Variants in ADAMTSL1 observed in about 807,000 individuals in gnomAD.
ADAMTSL1 encodes the protein ADAMTS-like protein 1.
ADAMTSL1 carries 126 observed loss-of-function variants against 201.8 expected under a neutral mutation model. The observed-to-expected ratio is 0.62, with a 90% CI of 0.54 to 0.72. The LOEUF is 0.72. Ranked by LOEUF, ADAMTSL1 falls within the 30% of genes least tolerant of loss-of-function variation. The pLI is 0.00. For missense variants in ADAMTSL1, 2,679 were observed against 2,277.8 expected (o/e 1.18, Z -3.59); for synonymous variants, 1,121 against 903.4 (o/e 1.24, Z -4.32).
chr9:18,340,799 G>A (rs1835437432), intron 2 of ADAMTSL1, among the ~76,000 whole-genome samples: 2 of 152,104 alleles, frequency 1.3e-5, no homozygotes, highest in African/African-American at 2.4e-5. Flanking sequence ...CACCATGATT[G>A]TGAGTCCTCC....
chr9:17,978,171 T>C (rs564969953), intron 1 of ADAMTSL1, among the ~76,000 whole-genome samples: 21 of 152,234 alleles, frequency 1.4e-4, no homozygotes, highest in Non-Finnish European at 2.4e-4. Context: ...CATTTCTTTA[T>C]GTTTATCCAT....
intron 1 of ADAMTSL1, among the ~76,000 whole-genome samples, chr9:17,926,165 T>G (rs1826518255): frequency 6.6e-6 from 1 of 152,150 alleles, no homozygotes; most frequent in Non-Finnish European, 1.5e-5. Context: ...TGCTTGTACG[T>G]TTTATGAAGA....
intron 18 of ADAMTSL1, among the ~76,000 whole-genome samples, chr9:18,776,180 T>C (rs775209962): frequency 6.6e-6 from 1 of 152,148 alleles, no homozygotes; most frequent in Non-Finnish European, 1.5e-5. Context: ...AGGCAGTGTA[T>C]TACTAATGAT....
chr9:18,797,089 T>G (rs1822468554), intron 20 of ADAMTSL1, among the ~76,000 whole-genome samples: 1 of 152,166 alleles, frequency 6.6e-6, no homozygotes, highest in Non-Finnish European at 1.5e-5. Flanking sequence ...TATTGGAGGC[T>G]GCCAACAAGT....
chr9:18,007,581 G>T (rs1044080837), intron 1 of ADAMTSL1, among the ~76,000 whole-genome samples: 1 of 151,984 alleles, frequency 6.6e-6, no homozygotes, highest in Admixed American at 6.6e-5. Flanking sequence ...AAGCGAGGCA[G>T]GTGGATTAGA....
chr9:18,721,689 G>T (rs1460492051), intron 15 of ADAMTSL1, 24 bp downstream of exon 15: 2 of 1,612,340 alleles, frequency 1.2e-6, no homozygotes, highest in Non-Finnish European at 1.7e-6. Flanking sequence ...GGCCTGCCCT[G>T]CTGTCCAGGG....
At chr9:18,300,460 A>AG (rs1204731992) in intron 2 of ADAMTSL1, among the ~76,000 whole-genome samples, 9 of 69,648 alleles carry the variant, frequency 1.3e-4, no homozygotes, top group African/African-American at 2.2e-4. Context: ...GGGGCCTGTC[A>AG]GGGGGAGGGG....
chr9:18,166,388 T>C (rs1587203890), intron 2 of ADAMTSL1, among the ~76,000 whole-genome samples: 1 of 151,960 alleles, frequency 6.6e-6, no homozygotes, highest in East Asian at 1.9e-4. Context: ...GAGAATTCCA[T>C]CACGGAATAT....
rs187503887 is a variant in ADAMTSL1 at position 18,308,895 on chromosome 9, C to G, written c.207+144914C>G. On this transcript the variant is annotated intron_variant, in intron 2 of 29. Coordinates refer to the ADAMTSL1 transcript ENST00000680146. ...GAGACATAGCAAAAAAAGAAAATAT[C>G]AGGCCAATATCCTTGATGAACATTG... is the stretch of plus-strand genomic sequence containing the variant. Among the ~76,000 whole-genome samples the G allele has an allele frequency of 3.3e-5, 5 of 152,212 alleles. No homozygotes were observed. In the East Asian group the frequency reaches 9.6e-4, roughly 29 times the overall value.
At chr9:18,645,545 CA>C (rs1293371696) in intron 7 of ADAMTSL1, among the ~76,000 whole-genome samples, 1 of 150,688 alleles carries the variant, frequency 6.6e-6, no homozygotes, top group Non-Finnish European at 1.5e-5. Flanking sequence ...GTCTTTAATC[CA>C]TCTTGAATTA....
chr9:18,615,665 T>A (rs1489013213), intron 4 of ADAMTSL1, among the ~76,000 whole-genome samples: 2 of 152,202 alleles, frequency 1.3e-5, no homozygotes, highest in Non-Finnish European at 2.9e-5. Flanking sequence ...AATCTGAACT[T>A]GAAATCATTC....
chr9:18,209,959 T>A (rs1045728540), intron 2 of ADAMTSL1, among the ~76,000 whole-genome samples: 7 of 152,164 alleles, frequency 4.6e-5, no homozygotes, highest in Non-Finnish European at 7.4e-5. Context: ...ATGCATGGAA[T>A]AAGCACATTA....
chr9:17,951,647 G>A (rs1286194172), intron 1 of ADAMTSL1, among the ~76,000 whole-genome samples: 2 of 149,530 alleles, frequency 1.3e-5, no homozygotes, highest in African/African-American at 4.9e-5. Flanking sequence ...TTTCTATTGG[G>A]CTGTTGTCTC....
rs1340111720 is a variant in ADAMTSL1 at position 18,903,719 on chromosome 9, ATTGG to A, written c.4852-2061_4852-2058del. ...GTCCCTTGGTATCCACAGGTGATTG[ATTGG>A]TGTCAGGAGCACCTGCATATATCAA... On this transcript the variant is annotated intron_variant, in intron 26 of 28. Coordinates refer to ENST00000380548, the MANE Select transcript of ADAMTSL1 (RefSeq NM_001040272.6). 2.1e-5 allele frequency among the ~76,000 whole-genome samples: 3 copies of A among 141,434 alleles called. No homozygotes were observed. The East Asian group carries it at 6.3e-4, about 30-fold the overall frequency. 92.8% of individuals were successfully genotyped at this position (141,434 alleles called of 152,430 possible).
At chr9:18,264,199 A>G (rs151164689) in intron 2 of ADAMTSL1, among the ~76,000 whole-genome samples, 1,777 of 152,182 alleles carry the variant, frequency 0.012, 17 homozygotes, top group Non-Finnish European at 0.021. Flanking sequence ...TATTATTATT[A>G]AAGTCCTAAT....
chr9:18,739,613 A>G (rs531803418), intron 15 of ADAMTSL1, among the ~76,000 whole-genome samples: 1 of 152,366 alleles, frequency 6.6e-6, no homozygotes, highest in Non-Finnish European at 1.5e-5. Flanking sequence ...TGCATTCTAC[A>G]TGAAGAGATC....
rs76778655 is a variant in ADAMTSL1 at position 18,866,116 on chromosome 9, C to CAAAAAAAAAAAAAAAAAAAA, written c.4250-21701_4250-21700insAAAAAAAAAAAAAAAAAAAA. On this transcript the variant is annotated intron_variant, in intron 23 of 28. Transcript: ENST00000380548. ...AGAGAGATTGCTTGCCTTCAAAAAC[C>CAAAAAAAAAAAAAAAAAAAA]AAAAAAAAAAAAAATGACGGATACT... 2.2e-3 allele frequency among the ~76,000 whole-genome samples: 170 copies of CAAAAAAAAAAAAAAAAAAAA among 78,462 alleles called. 8 individuals carry two copies. The highest frequency in any genetic ancestry group is 3.5e-3 in the East Asian group (9 of 2,548). 51.5% of individuals were successfully genotyped at this position (78,462 alleles called of 152,430 possible). A position where few individuals can be genotyped will look rare whatever the true frequency, so the allele number is the denominator to read the frequency against.
chr9:18,883,796 TTTTG>T (rs1447774713), intron 23 of ADAMTSL1, among the ~76,000 whole-genome samples: 3 of 152,336 alleles, frequency 2.0e-5, no homozygotes, highest in East Asian at 3.9e-4. Context: ...ATATACCACA[TTTTG>T]TTTATCTACC....
At chr9:18,290,235 G>A (rs561384479) in intron 2 of ADAMTSL1, among the ~76,000 whole-genome samples, 4 of 151,880 alleles carry the variant, frequency 2.6e-5, no homozygotes, top group Non-Finnish European at 5.9e-5. Flanking sequence ...ATTAAGTCAG[G>A]ACTAGGTTGA....
Sources: allele counts gnomAD v4.1 joint callset (sites outside exome capture counted in the v4.1 genomes callset), GRCh38; gene constraint gnomAD v4.1.1; transcripts MANE v1.5; gene names NCBI Gene and HGNC (gene_info 2026-07-23, HGNC 2026-07-21).